The following FLNB variants were observed in gnomAD, a reference collection of about 807,000 sequenced individuals.
FLNB encodes the protein filamin B.
A neutral mutation model predicts 250.6 loss-of-function variants in FLNB; 111 were observed. The ratio of observed to expected loss-of-function variants is 0.44; its 90% CI spans 0.38 to 0.52. FLNB has a LOEUF of 0.52. Ranked by LOEUF, FLNB falls within the 20% of genes least tolerant of loss-of-function variation. FLNB has a pLI of 0.00. For missense variants in FLNB, 2,869 were observed against 3,447.8 expected (o/e 0.83, Z 4.20); for synonymous variants, 1,302 against 1,372.1 (o/e 0.95, Z 1.13).
At chr3:58,139,430 A>T (rs1159564577) in intron 29 of FLNB, among the ~76,000 whole-genome samples, 1 of 152,162 alleles carries the variant, frequency 6.6e-6, no homozygotes, top group Non-Finnish European at 1.5e-5. Context: ...CCGACAAAGC[A>T]CCTTCTAATT....
intron 18 of FLNB, among the ~76,000 whole-genome samples, chr3:58,113,587 C>T (rs991211062): frequency 7.9e-5 from 12 of 152,196 alleles, no homozygotes; most frequent in African/African-American, 2.9e-4. Flanking sequence ...GAGGGATTCC[C>T]TGGGCGAAGG....
chr3:58,159,828 G>A (rs1360538142), intron 42 of FLNB, 142 bp downstream of exon 42: 2 of 897,882 alleles, frequency 2.2e-6, no homozygotes, highest in South Asian at 1.5e-5. Flanking sequence ...GCCAGATATT[G>A]TTTATAAATT....
intron 1 of FLNB, among the ~76,000 whole-genome samples, chr3:58,056,840 C>T (rs1342950307): frequency 2.0e-5 from 3 of 152,146 alleles, no homozygotes; most frequent in Admixed American, 6.5e-5. Context: ...CTGCCTGCCT[C>T]GGCCTCCCAA....
At chr3:58,089,345 T>C (rs974076327) in intron 4 of FLNB, among the ~76,000 whole-genome samples, 11 of 152,042 alleles carry the variant, frequency 7.2e-5, no homozygotes, top group Non-Finnish European at 1.3e-4. Context: ...AGGAATTCGA[T>C]ACCAGCCTGA....
intron 42 of FLNB, among the ~76,000 whole-genome samples, chr3:58,161,809 G>C (rs1438175513): frequency 6.6e-6 from 1 of 152,158 alleles, no homozygotes; most frequent in Non-Finnish European, 1.5e-5. Flanking sequence ...GATGGCTGCA[G>C]CAGCACCAGA....
At chr3:58,080,636 A>T (rs1356747985) in intron 3 of FLNB, among the ~76,000 whole-genome samples, 1 of 151,762 alleles carries the variant, frequency 6.6e-6, no homozygotes, top group Non-Finnish European at 1.5e-5. Context: ...CTGGGACTGC[A>T]GGTGTATGCC....
At chr3:58,151,164 G>C (rs539974949) in intron 38 of FLNB, 1 of 152,314 alleles carries the variant, frequency 6.6e-6, no homozygotes, top group Non-Finnish European at 1.5e-5. Flanking sequence ...GGCCGAGGCA[G>C]GCAGATCACC....
At chr3:58,050,618 C>T (rs1427371709) in intron 1 of FLNB, among the ~76,000 whole-genome samples, 2 of 152,148 alleles carry the variant, frequency 1.3e-5, no homozygotes, top group Non-Finnish European at 2.9e-5. Flanking sequence ...GCACACTATA[C>T]CAGTGAGGAC....
intron 22 of FLNB, among the ~76,000 whole-genome samples, chr3:58,125,305 G>A (rs2097295873): frequency 6.6e-6 from 1 of 151,900 alleles, no homozygotes. Flanking sequence ...GCTAATTTTT[G>A]TATTTTTTGT....
At chr3:58,041,284 G>C (rs1234034200) in intron 1 of FLNB, among the ~76,000 whole-genome samples, 2 of 152,226 alleles carry the variant, frequency 1.3e-5, no homozygotes, top group Admixed American at 1.3e-4. Context: ...CAGAAGAAAA[G>C]CCAGATTATT....
chr3:58,086,036 C>G (rs185542868), intron 4 of FLNB, among the ~76,000 whole-genome samples: 118 of 152,262 alleles, frequency 7.7e-4, no homozygotes, highest in African/African-American at 2.5e-3. Context: ...CTCTCTCTCT[C>G]TGTGTGTGGA....
At chr3:58,124,693 T>C (rs2097294766) in intron 22 of FLNB, among the ~76,000 whole-genome samples, 188 bp downstream of exon 22, 1 of 152,210 alleles carries the variant, frequency 6.6e-6, no homozygotes, top group Non-Finnish European at 1.5e-5. Context: ...TTGCTGGCCT[T>C]GTGTAATAGG....
At chr3:58,083,155 A>G (rs1465388153) in intron 4 of FLNB, among the ~76,000 whole-genome samples, 4 of 152,046 alleles carry the variant, frequency 2.6e-5, no homozygotes, top group African/African-American at 9.7e-5. Context: ...CTGTTTTACA[A>G]ACTAAGATCT....
At chr3:58,150,458 A>T in intron 38 of FLNB, 2 of 586,572 alleles carry the variant, frequency 3.4e-6, no homozygotes, top group Non-Finnish European at 6.0e-6. Flanking sequence ...CCAAATAAAA[A>T]TAGCTTTATT....
chr3:58,021,768 TG>T (rs1248027227), intron 1 of FLNB, among the ~76,000 whole-genome samples: 1 of 145,188 alleles, frequency 6.9e-6, no homozygotes, highest in Non-Finnish European at 1.5e-5. Context: ...CCCAACACCT[TG>T]TTTTTTTGTT....
intron 1 of FLNB, among the ~76,000 whole-genome samples, chr3:58,065,751 C>A (rs1200090891): frequency 6.6e-6 from 1 of 152,248 alleles, no homozygotes; most frequent in Non-Finnish European, 1.5e-5. Flanking sequence ...GGGTGCACAG[C>A]CCCAGGGTGG....
At chr3:58,062,593 A>G (rs562941025) in intron 1 of FLNB, among the ~76,000 whole-genome samples, 1 of 152,232 alleles carries the variant, frequency 6.6e-6, no homozygotes, top group Admixed American at 6.5e-5. Flanking sequence ...TTAATTTTCT[A>G]TCAGCAGTGG....
Position 58,148,332 on chromosome 3 carries a change from G to A in FLNB, c.5855G>A (p.Cys1952Tyr). 1 of 1,613,994 alleles carries A rather than the reference G, an allele frequency of 6.2e-7. No individual in the cohort carries two copies. The highest frequency in any genetic ancestry group is 8.5e-7 in the Non-Finnish European group (1 of 1,179,976). ...GCCCCATCTGGCCGAGACGAGCCCT[G>A]TCTCCTGAAGAGGCTGCCCAACAAC... ...IKAPSGRDEP[C>Y]LLKRLPNNHI... The change falls in exon 35 of 46, where the codon TGT becomes TAT. Residue 1952 changes from cysteine to tyrosine, a missense_variant. Physicochemically the swap from Cys to Tyr is radical, Grantham distance 194. Coordinates refer to ENST00000295956, the MANE Select transcript of FLNB (RefSeq NM_001457.4).
At position 58,151,251 on chromosome 3, in the gene FLNB, G is replaced by T. The variant is rs188514851; in HGVS notation, c.6367+1024G>T. ...TTCTAAAAATACAAAAATAAGCAGG[G>T]CGTGGTGGCGGGCACCTGTAATCCC... On this transcript the variant is annotated intron_variant, in intron 38 of 45. Transcript: ENST00000295956. 1,169 of 152,048 alleles carry T rather than the reference G, an allele frequency of 7.7e-3. 10 individuals are homozygous for T. Among genetic ancestry groups the T allele is most frequent in the Non-Finnish European group, 0.011 (766 of 68,010 alleles). The allele number at this position is 152,048 out of a possible 1,614,324, so 9.4% of individuals were successfully genotyped here.
Sources: gnomAD v4.1 joint callset for allele counts (sites outside exome capture counted in the v4.1 genomes callset) on GRCh38, gnomAD v4.1.1 for gene constraint, MANE v1.5 for transcripts, NCBI Gene and HGNC (gene_info 2026-07-23, HGNC 2026-07-21) for gene names.